Variants in PCNX1 observed in about 807,000 individuals in gnomAD.
The protein encoded by PCNX1 is pecanex-like protein 1.
Under a neutral mutation model 242.2 loss-of-function variants are expected in PCNX1, and 78 were observed. The ratio of observed to expected loss-of-function variants is 0.32; its 90% CI spans 0.27 to 0.39. PCNX1 has a LOEUF of 0.39. Among genes scored for constraint, PCNX1 ranks in the 10% least tolerant of loss-of-function variants. The pLI is 1.00. For synonymous variants in PCNX1, 1,024 were observed against 1,032.9 expected, an observed-to-expected ratio of 0.99 and a Z score of 0.17; for missense variants, 2,581 against 2,856.5, an observed-to-expected ratio of 0.90 and a Z score of 2.20.
At chr14:70,910,031 C>CCT (rs2055757698) in intron 1 of PCNX1, among the ~76,000 whole-genome samples, 1 of 9,652 alleles carries the variant, frequency 1.0e-4, no homozygotes, top group Admixed American at 1.1e-3. Flanking sequence ...GACGACTCCT[C>CCT]CCTCCTCCTC....
intron 30 of PCNX1, among the ~76,000 whole-genome samples, chr14:71,095,782 A>G (rs2286309): frequency 0.062 from 9,423 of 152,274 alleles, 420 homozygotes; most frequent in East Asian, 0.27. Context: ...TATTTATTCA[A>G]CCATTTTAAA....
chr14:70,950,300 G>A (rs1441807391), intron 2 of PCNX1, among the ~76,000 whole-genome samples: 1 of 152,068 alleles, frequency 6.6e-6, no homozygotes, highest in African/African-American at 2.4e-5. Flanking sequence ...ATCAGTGTCT[G>A]GCAATGATAG....
At chr14:71,043,218 G>A (rs2060761405) in intron 19 of PCNX1, among the ~76,000 whole-genome samples, 1 of 152,002 alleles carries the variant, frequency 6.6e-6, no homozygotes, top group Non-Finnish European at 1.5e-5. Context: ...TTCTCTTGCT[G>A]TTTTCAGAAT....
chr14:70,939,862 T>C (rs1347625267), intron 1 of PCNX1, among the ~76,000 whole-genome samples: 2 of 152,218 alleles, frequency 1.3e-5, no homozygotes, highest in African/African-American at 4.8e-5. Context: ...CTTGTTGAAT[T>C]GATACCTTTA....
intron 2 of PCNX1, among the ~76,000 whole-genome samples, chr14:70,950,203 A>G (rs12880570): frequency 0.069 from 10,578 of 152,214 alleles, 486 homozygotes; most frequent in East Asian, 0.27. Context: ...ACTATCTGAA[A>G]TTATCTTAAC....
chr14:70,983,090 C>T (rs1442227558), intron 6 of PCNX1, among the ~76,000 whole-genome samples: 2 of 152,194 alleles, frequency 1.3e-5, no homozygotes, highest in Non-Finnish European at 2.9e-5. Context: ...ATGTGTTCAT[C>T]ACTACTGACC....
At chr14:70,943,788 G>GC (rs61286873) in intron 1 of PCNX1, among the ~76,000 whole-genome samples, 152,330 of 152,354 alleles carry the variant, frequency 1, 76,153 homozygotes, top group Middle Eastern at 1. Context: ...CTTGGGCGAG[G>GC]CCAGGGCCTT....
chr14:70,952,426 A>G (rs2057821106), intron 2 of PCNX1, among the ~76,000 whole-genome samples: 1 of 152,200 alleles, frequency 6.6e-6, no homozygotes. Flanking sequence ...TTTTCCCTTC[A>G]GGAGTAACCA....
chr14:70,923,231 C>T lies in PCNX1; in HGVS notation c.153+15228C>T, dbSNP rs1327681929. 7.9e-5 allele frequency among the ~76,000 whole-genome samples: 12 copies of T among 152,110 alleles called. 1 individual carries two copies. In the East Asian group the frequency reaches 2.3e-3, roughly 29 times the overall value. ...TATTGTGGTTTATTAAAGATTTCCC[C>T]TATTTTTATTATATAACCTTAAAAT... On this transcript the variant is annotated intron_variant, in intron 1 of 35. Transcript: ENST00000304743.
chr14:71,108,160 A>G (rs1229460219), intron 33 of PCNX1, among the ~76,000 whole-genome samples: 1 of 152,182 alleles, frequency 6.6e-6, no homozygotes, highest in East Asian at 1.9e-4. Flanking sequence ...CGGGGTTTTC[A>G]GATTCCACAA....
chr14:70,993,424 G>A lies in PCNX1; in HGVS notation c.2445-2317G>A, dbSNP rs555386903. 3.5e-3 allele frequency among the ~76,000 whole-genome samples: 539 copies of A among 152,058 alleles called. 1 individual carries two copies. Among genetic ancestry groups the A allele is most frequent in the African/African-American group, 0.013 (523 of 41,486 alleles). On this transcript the variant is annotated intron_variant, in intron 7 of 35. Coordinates refer to ENST00000304743, the MANE Select transcript of PCNX1 (RefSeq NM_014982.3). ...ATCACAGGTGTGAGCCACCGTGCCT[G>A]GCCAAATTGTCTAAATTAATTTAAT...
At chr14:71,071,212 C>A (rs2061578232) in intron 26 of PCNX1, among the ~76,000 whole-genome samples, 1 of 152,232 alleles carries the variant, frequency 6.6e-6, no homozygotes, top group Admixed American at 6.5e-5. Context: ...GTTTGATCTT[C>A]TCTCCAGACC....
At chr14:71,109,379 TTTTG>T (rs1348395618) in intron 34 of PCNX1, 69 bp from the exon 35 acceptor site, 3 of 1,343,010 alleles carry the variant, frequency 2.2e-6, no homozygotes, top group African/African-American at 2.9e-5. Flanking sequence ...GTGAAAAGCA[TTTTG>T]TTTGAGATTA....
chr14:70,993,602 T>A (rs1017110945), intron 7 of PCNX1, among the ~76,000 whole-genome samples: 2 of 152,226 alleles, frequency 1.3e-5, no homozygotes, highest in African/African-American at 4.8e-5. Context: ...TGTGCATCTC[T>A]GTGTTGAAGA....
intron 2 of PCNX1, among the ~76,000 whole-genome samples, chr14:70,956,269 G>A (rs1047716579): frequency 3.3e-5 from 5 of 152,122 alleles, no homozygotes; most frequent in African/African-American, 7.2e-5. Flanking sequence ...AGGGCCAAGC[G>A]CAGTGGCTCA....
chr14:71,087,239 A>G (rs1362205172), intron 28 of PCNX1, among the ~76,000 whole-genome samples: 2 of 151,904 alleles, frequency 1.3e-5, no homozygotes, highest in African/African-American at 4.8e-5. Flanking sequence ...CTGGACCCAA[A>G]TTTTTTTTCA....
In PCNX1 at chr14:71,012,974, C is replaced by CT; in HGVS notation, c.2779-8dup. ...GATATTTTAAGCCTTTCAATGCTGA[C>CT]TTTCTTTTAGCTCTCTCTCCCACAG... On this transcript the variant is annotated splice_polypyrimidine_tract_variant and intron_variant, in intron 10 of 35. Transcript: ENST00000304743. The CT allele has an allele frequency of 6.3e-7, 1 of 1,590,112 alleles. No homozygotes were observed. The highest frequency in any genetic ancestry group is 8.6e-7 in the Non-Finnish European group (1 of 1,158,188).
chr14:70,917,997 T>C (rs974664365), intron 1 of PCNX1, among the ~76,000 whole-genome samples: 3 of 152,206 alleles, frequency 2.0e-5, no homozygotes, highest in Admixed American at 2.0e-4. Flanking sequence ...ATGAACCAAC[T>C]TCTGCTAGAG....
Position 71,105,429 on chromosome 14 carries a change from C to T in PCNX1, c.6290C>T (p.Pro2097Leu), listed in dbSNP as rs1488876568. 6.2e-7 allele frequency: 1 copy of T among 1,612,902 alleles called. No homozygotes were observed. The highest frequency in any genetic ancestry group is 1.3e-5 in the African/African-American group (1 of 74,888). The change falls in exon 33 of 36, where the codon CCT (proline) becomes CTT (leucine). Residue 2097 changes from proline (P) to leucine (L), a missense_variant. Around this residue, in one of 9 missense-constraint regions of PCNX1, gnomAD observed 432 missense variants for 433.6 expected, o/e 1.00. Coordinates refer to ENST00000304743, the MANE Select transcript of PCNX1 (RefSeq NM_014982.3). ...TGLHPPVTSY[P>L]PTLGTSHSSH... ...CTCCACCCACCTGTCACATCTTATC[C>T]TCCAACACTAGGTAATGTGAAACAA... is the stretch of plus-strand genomic sequence containing the variant.
Sources: gnomAD v4.1 joint callset for allele counts (sites outside exome capture counted in the v4.1 genomes callset) on GRCh38, gnomAD v4.1.1 for gene constraint, gnomAD v4.1.1 regional missense constraint, MANE v1.5 for transcripts, NCBI Gene and HGNC (gene_info 2026-07-23, HGNC 2026-07-21) for gene names.